Variants in PDE10A observed in about 807,000 individuals in gnomAD.
The protein encoded by PDE10A is cAMP and cAMP-inhibited cGMP 3',5'-cyclic phosphodiesterase 10A.
PDE10A carries 39 observed loss-of-function variants against 97.7 expected under a neutral mutation model. That is an observed-to-expected ratio of 0.40 (90% CI 0.31 to 0.52). The LOEUF is 0.52. Among genes scored for constraint, PDE10A ranks in the 20% least tolerant of loss-of-function variants. The pLI, the probability that PDE10A is intolerant of heterozygous loss-of-function variation, is 0.56. For missense variants in PDE10A, 731 were observed against 1,047.8 expected, an observed-to-expected ratio of 0.70 and a Z score of 4.17; for synonymous variants, 371 against 376.8, an observed-to-expected ratio of 0.98 and a Z score of 0.18.
chr6:165,552,293 C>G (rs959630839), intron 1 of PDE10A, among the ~76,000 whole-genome samples: 2 of 152,222 alleles, frequency 1.3e-5, no homozygotes, highest in Non-Finnish European at 2.9e-5. Context: ...AAGGGGTTAA[C>G]ACAGCAGACC....
At chr6:165,900,111 G>T (rs1782063122) in intron 1 of PDE10A, among the ~76,000 whole-genome samples, 1 of 152,186 alleles carries the variant, frequency 6.6e-6, no homozygotes, top group Non-Finnish European at 1.5e-5. Flanking sequence ...CTGAAAGAGA[G>T]GGGCAGGGAG....
At chr6:165,732,684 G>A (rs1562709054) in intron 1 of PDE10A, among the ~76,000 whole-genome samples, 1 of 152,222 alleles carries the variant, frequency 6.6e-6, no homozygotes, top group Non-Finnish European at 1.5e-5. Context: ...AACTTGGATG[G>A]AACTGGGAAA....
chr6:165,888,326 G>A (rs766152768), intron 1 of PDE10A, among the ~76,000 whole-genome samples: 4 of 150,814 alleles, frequency 2.7e-5, no homozygotes, highest in Non-Finnish European at 4.4e-5. Flanking sequence ...TCGCTTTGTC[G>A]CCAGCCTGGA....
chr6:165,639,738 CAAAAAAA>C (rs35358593), intron 1 of PDE10A, among the ~76,000 whole-genome samples: 1 of 102,564 alleles, frequency 9.8e-6, no homozygotes, highest in Non-Finnish European at 1.9e-5. Context: ...GACTCTGTCC[CAAAAAAA>C]AAAAAAAAAA....
intron 1 of PDE10A, among the ~76,000 whole-genome samples, chr6:165,902,406 C>T (rs75666235): frequency 0.11 from 16,039 of 152,222 alleles, 1,125 homozygotes; most frequent in African/African-American, 0.19. Flanking sequence ...AAATGATCAG[C>T]TGACTGTTTT....
intron 1 of PDE10A, among the ~76,000 whole-genome samples, chr6:165,610,478 C>G (rs577357522): frequency 2.7e-5 from 4 of 148,924 alleles, no homozygotes; most frequent in African/African-American, 7.5e-5. Flanking sequence ...TTGCCGTGAG[C>G]TGAGATCGCG....
At chr6:165,345,412 G>A (rs1001255167) in intron 18 of PDE10A, among the ~76,000 whole-genome samples, 1 of 152,170 alleles carries the variant, frequency 6.6e-6, no homozygotes, top group Non-Finnish European at 1.5e-5. Context: ...TTTAGTAAAT[G>A]TAAGTACTCA....
intron 1 of PDE10A, among the ~76,000 whole-genome samples, chr6:165,890,555 G>T (rs985445843): frequency 6.6e-6 from 1 of 152,076 alleles, no homozygotes; most frequent in Non-Finnish European, 1.5e-5. Flanking sequence ...AAACATTACC[G>T]CCAGAGTTAC....
chr6:165,448,096 A>C lies in PDE10A; in HGVS notation c.1194+832T>G, dbSNP rs1227194554. Reference sequence around the variant, plus strand: ...ATACATATTTTGATTACTCAAGAATACAGGTAGCATATTGCAAAAATACAT... The same window carrying C: ...ATACATATTTTGATTACTCAAGAATCCAGGTAGCATATTGCAAAAATACAT... On this transcript the variant is annotated intron_variant, in intron 5 of 21. Transcript: ENST00000539869. Among the ~76,000 whole-genome samples, 6 of 152,364 alleles carry C rather than the reference A, an allele frequency of 3.9e-5. No homozygotes were observed. The East Asian group carries it at 1.2e-3, about 29-fold the overall frequency.
chr6:165,654,187 A>C (rs930408625), intron 1 of PDE10A, among the ~76,000 whole-genome samples: 2 of 152,168 alleles, frequency 1.3e-5, no homozygotes, highest in Non-Finnish European at 2.9e-5. Flanking sequence ...GTACACCGGT[A>C]CTGCATGTCT....
At chr6:165,778,306 G>A (rs1004648205) in intron 1 of PDE10A, among the ~76,000 whole-genome samples, 3 of 152,140 alleles carry the variant, frequency 2.0e-5, no homozygotes, top group Non-Finnish European at 2.9e-5. Context: ...TCCTGACCTC[G>A]TGATCCACCC....
chr6:165,399,933 A>T (rs2128220095), intron 13 of PDE10A, among the ~76,000 whole-genome samples: 1 of 152,318 alleles, frequency 6.6e-6, no homozygotes, highest in African/African-American at 2.4e-5. Context: ...TCCTTTGGGT[A>T]TATACCCAGT....
At chr6:165,627,634 C>T (rs1161542635) in intron 1 of PDE10A, among the ~76,000 whole-genome samples, 1 of 152,208 alleles carries the variant, frequency 6.6e-6, no homozygotes, top group Non-Finnish European at 1.5e-5. Flanking sequence ...TCACCTCCAG[C>T]TGCTGGCAGA....
intron 13 of PDE10A, 74 bp downstream of exon 13, chr6:165,413,427 T>A: frequency 9.5e-7 from 1 of 1,049,324 alleles, no homozygotes; most frequent in Non-Finnish European, 1.4e-6. Context: ...AAAAAAGCCC[T>A]TAAGCTGCTT....
At chr6:165,952,334 C>T (rs1354388036) in intron 1 of PDE10A, among the ~76,000 whole-genome samples, 2 of 152,214 alleles carry the variant, frequency 1.3e-5, no homozygotes, top group African/African-American at 4.8e-5. Flanking sequence ...CCTAAAGAAA[C>T]CATGCATACA....
chr6:165,633,394 T>C (rs2128415945), intron 1 of PDE10A, among the ~76,000 whole-genome samples: 1 of 152,296 alleles, frequency 6.6e-6, no homozygotes, highest in South Asian at 2.1e-4. Flanking sequence ...ATCCTATACA[T>C]TAACTTTTCT....
At chr6:165,874,648 T>C (rs1583219090) in intron 1 of PDE10A, among the ~76,000 whole-genome samples, 1 of 152,242 alleles carries the variant, frequency 6.6e-6, no homozygotes, top group Non-Finnish European at 1.5e-5. Context: ...TGTCCTCTCA[T>C]ATTATTTTGC....
chr6:165,554,733 T>C (rs1215074834), intron 1 of PDE10A, among the ~76,000 whole-genome samples: 1 of 152,110 alleles, frequency 6.6e-6, no homozygotes, highest in African/African-American at 2.4e-5. Flanking sequence ...TGCAGCATTG[T>C]TTACAATAAT....
At chr6:165,945,815 T>C (rs1336018474) in intron 1 of PDE10A, among the ~76,000 whole-genome samples, 1 of 152,250 alleles carries the variant, frequency 6.6e-6, no homozygotes, top group African/African-American at 2.4e-5. Flanking sequence ...TCTAGTTCTC[T>C]ATATACATAT....
Sources: gnomAD v4.1 joint callset for allele counts (sites outside exome capture counted in the v4.1 genomes callset) on GRCh38, gnomAD v4.1.1 for gene constraint, MANE v1.5 for transcripts, NCBI Gene and HGNC (gene_info 2026-07-23, HGNC 2026-07-21) for gene names.